Variants in KSR2 observed in about 807,000 individuals in gnomAD.
KSR2 encodes kinase suppressor of ras 2.
In KSR2, 25 loss-of-function variants were observed where a neutral mutation model predicts 107.8. That is an observed-to-expected ratio of 0.23 (90% CI 0.17 to 0.32). The LOEUF (loss-of-function observed/expected upper bound fraction) is 0.32. Among genes scored for constraint, KSR2 ranks in the 10% least tolerant of loss-of-function variants. The probability of loss-of-function intolerance (pLI) is 1.00; values close to 1 mark genes in which losing one functional copy is unlikely to be tolerated. For synonymous variants in KSR2, 480 were observed against 507.0 expected (o/e 0.95, Z 0.71); for missense variants, 887 against 1,268.9 (o/e 0.70, Z 4.57).
chr12:117,694,854 T>C (rs1198722646), intron 4 of KSR2, among the ~76,000 whole-genome samples: 63 of 131,212 alleles, frequency 4.8e-4, no homozygotes, highest in African/African-American at 1.5e-3. Flanking sequence ...TCTTTTTTTT[T>C]TTTTTTTTTT....
At chr12:117,841,719 G>A (rs912653874) in intron 3 of KSR2, among the ~76,000 whole-genome samples, 7 of 152,148 alleles carry the variant, frequency 4.6e-5, no homozygotes, top group Non-Finnish European at 1.0e-4. Flanking sequence ...CGCTTAACAG[G>A]AGTCAGACAG....
chr12:117,784,117 C>T (rs1160587736), intron 3 of KSR2, among the ~76,000 whole-genome samples: 2 of 152,110 alleles, frequency 1.3e-5, no homozygotes, highest in East Asian at 3.9e-4. Flanking sequence ...GTGTGATGCT[C>T]AGGTTTGGGG....
intron 5 of KSR2, among the ~76,000 whole-genome samples, chr12:117,583,073 A>G (rs1161187284): frequency 1.3e-5 from 2 of 152,226 alleles, no homozygotes; most frequent in Non-Finnish European, 2.9e-5. Flanking sequence ...AACATGTACC[A>G]CCTAAAGTTA....
chr12:117,656,317 A>G (rs996679717), intron 5 of KSR2, among the ~76,000 whole-genome samples: 3 of 152,222 alleles, frequency 2.0e-5, no homozygotes, highest in Non-Finnish European at 2.9e-5. Context: ...GGTTATATGA[A>G]GGATAGTTGT....
chr12:117,510,833 G>A lies in KSR2; in HGVS notation c.2219+14019C>T, dbSNP rs917641285. On this transcript the variant is annotated intron_variant, in intron 14 of 19. Transcript: ENST00000339824. ...GTGGAGGTTGCAGTGAGCTGAGATCGCACCACTGCATTCTAGCCTGGGCAA... is the reference window on the plus strand; with the variant it reads ...GTGGAGGTTGCAGTGAGCTGAGATCACACCACTGCATTCTAGCCTGGGCAA... Among the ~76,000 whole-genome samples the A allele has an allele frequency of 3.5e-5, 5 of 143,358 alleles. 1 individual carries two copies. In the South Asian group the frequency reaches 8.7e-4, roughly 25 times the overall value. The allele number at this position is 143,358 out of a possible 152,430, so 94.0% of individuals were successfully genotyped here.
intron 1 of KSR2, among the ~76,000 whole-genome samples, chr12:117,924,350 G>C (rs1895439366): frequency 6.7e-6 from 1 of 150,044 alleles, no homozygotes; most frequent in Non-Finnish European, 1.5e-5. Context: ...GGCGGATCAT[G>C]AGGTCGGGAG....
chr12:117,765,828 T>A lies in KSR2; in HGVS notation c.473-4304A>T, dbSNP rs575615044. Among the ~76,000 whole-genome samples, 32 of 152,238 alleles carry A rather than the reference T, an allele frequency of 2.1e-4. No homozygotes were observed. The South Asian group carries it at 6.4e-3, about 31-fold the overall frequency. ...ATATCAGAGTGAAGTGAGGACTGAA[T>A]TAATAAGATAAAGCAATCAAACCAT... On this transcript the variant is annotated intron_variant, in intron 3 of 19. Coordinates refer to ENST00000339824, the MANE Select transcript of KSR2 (RefSeq NM_173598.6).
chr12:117,720,094 T>C (rs895034378), intron 4 of KSR2, among the ~76,000 whole-genome samples: 2 of 152,192 alleles, frequency 1.3e-5, no homozygotes, highest in Admixed American at 6.5e-5. Context: ...TTCTTATTCT[T>C]CTTCAGACAG....
chr12:117,867,281 A>T (rs1272818737), intron 1 of KSR2, among the ~76,000 whole-genome samples: 1 of 152,094 alleles, frequency 6.6e-6, no homozygotes, highest in African/African-American at 2.4e-5. Flanking sequence ...ATGCCACTGC[A>T]CTACAGCCTG....
intron 7 of KSR2, among the ~76,000 whole-genome samples, chr12:117,559,841 G>A (rs1239195133): frequency 6.6e-6 from 1 of 152,152 alleles, no homozygotes; most frequent in Non-Finnish European, 1.5e-5. Context: ...TGTGGAAGAT[G>A]CCGTAAGTGC....
chr12:117,904,209 G>A (rs1047787255), intron 1 of KSR2, among the ~76,000 whole-genome samples: 1 of 152,086 alleles, frequency 6.6e-6, no homozygotes, highest in Non-Finnish European at 1.5e-5. Flanking sequence ...TGTGATCATC[G>A]GGCCTCTTAA....
chr12:117,793,997 T>C (rs1309177930), intron 3 of KSR2, among the ~76,000 whole-genome samples: 2 of 82,436 alleles, frequency 2.4e-5, no homozygotes, highest in African/African-American at 5.3e-5. Context: ...TACACCAACA[T>C]GCACACACAC....
intron 4 of KSR2, among the ~76,000 whole-genome samples, chr12:117,725,476 ATT>A (rs1275546084): frequency 1.3e-5 from 2 of 152,250 alleles, no homozygotes; most frequent in Admixed American, 1.3e-4. Context: ...ACATCTGGAT[ATT>A]CTTATGGAAA....
intron 4 of KSR2, among the ~76,000 whole-genome samples, chr12:117,669,323 A>C (rs1053559944): frequency 1.3e-5 from 2 of 152,192 alleles, no homozygotes; most frequent in Non-Finnish European, 2.9e-5. Context: ...ATACTATCAA[A>C]AAAAGTGCAA....
intron 3 of KSR2, among the ~76,000 whole-genome samples, chr12:117,795,712 T>G (rs1487617100): frequency 1.3e-5 from 2 of 152,118 alleles, no homozygotes; most frequent in African/African-American, 4.8e-5. Context: ...TACTGCAGCC[T>G]TGAACTCTCA....
In KSR2 at chr12:117,510,281, C is replaced by A. The variant is rs79905578; in HGVS notation, c.2219+14571G>T. On this transcript the variant is annotated intron_variant, in intron 14 of 19. Coordinates refer to ENST00000339824, the MANE Select transcript of KSR2 (RefSeq NM_173598.6). Reference sequence around the variant, plus strand: ...ACTTCTTAAACTATTATTATTACTACGTGATTTAAAAGATTATTCCACTTT... The same window carrying A: ...ACTTCTTAAACTATTATTATTACTAAGTGATTTAAAAGATTATTCCACTTT... Among the ~76,000 whole-genome samples, 49 of 152,316 alleles carry A rather than the reference C, an allele frequency of 3.2e-4. No homozygotes were observed. In the East Asian group the frequency reaches 8.9e-3, roughly 28 times the overall value.
intron 6 of KSR2, among the ~76,000 whole-genome samples, chr12:117,581,175 G>GCCATTCCATGAGTCC (rs1273349683): frequency 6.6e-6 from 1 of 152,114 alleles, no homozygotes; most frequent in Non-Finnish European, 1.5e-5. Flanking sequence ...TTGATGAGAT[G>GCCATTCCATGAGTCC]CCATTCCATG....
At chr12:117,498,667 T>C (rs922725514) in intron 14 of KSR2, among the ~76,000 whole-genome samples, 4 of 152,064 alleles carry the variant, frequency 2.6e-5, no homozygotes, top group South Asian at 2.1e-4. Flanking sequence ...ATAATCCCCA[T>C]GTGTTGTGGG....
chr12:117,520,742 G>C (rs1874704518), intron 14 of KSR2, among the ~76,000 whole-genome samples: 2 of 152,108 alleles, frequency 1.3e-5, no homozygotes, highest in African/African-American at 2.4e-5. Flanking sequence ...CCTGCCTACA[G>C]CCCTCCAACG....
Sources: gnomAD v4.1 joint callset for allele counts (sites outside exome capture counted in the v4.1 genomes callset) on GRCh38, gnomAD v4.1.1 for gene constraint, MANE v1.5 for transcripts, NCBI Gene and HGNC (gene_info 2026-07-23, HGNC 2026-07-21) for gene names.